The following FLT4 variants were observed in gnomAD, a reference collection of about 807,000 sequenced individuals.
FLT4 encodes fms related receptor tyrosine kinase 4.
A neutral mutation model predicts 163.2 loss-of-function variants in FLT4; 30 were observed. The ratio of observed to expected loss-of-function variants is 0.18; its 90% CI spans 0.14 to 0.25. The LOEUF is 0.25. Ranked by LOEUF, FLT4 falls within the 10% of genes least tolerant of loss-of-function variation. The pLI is 1.00. For synonymous variants in FLT4, 884 were observed against 789.5 expected (o/e 1.12, Z -2.01); for missense variants, 1,510 against 1,863.8 (o/e 0.81, Z 3.50).
Position 180,636,558 on chromosome 5 carries a change from C to G in FLT4, c.59-4780G>C, listed in dbSNP as rs114193487. On this transcript the variant is annotated intron_variant, in intron 1 of 29. Coordinates refer to ENST00000261937, the MANE Select transcript of FLT4 (RefSeq NM_182925.5). The surrounding 1 kb of genome is among the most constrained non-coding windows in gnomAD (Gnocchi z 4.3). ...GTAGCTCCTGGCTCACCATCCCCCC[C>G]ACCCCAGCTCCTGCCCTTCTCCATG... Among the ~76,000 whole-genome samples the G allele has an allele frequency of 7.3e-5, 11 of 150,372 alleles. No homozygotes were observed. The highest frequency in any genetic ancestry group is 4.3e-4 in the South Asian group (2 of 4,694).
At chr5:180,629,235 G>A (rs537957702) in intron 7 of FLT4, 24 bp downstream of exon 7, 2 of 1,612,314 alleles carry the variant, frequency 1.2e-6, no homozygotes, top group East Asian at 2.2e-5. Context: ...CAGGGCACAA[G>A]GACCCTGGTT....
rs1445994027 is a variant in FLT4 at position 180,607,482 on chromosome 5, T to G, written c.3893+1486A>C. 3.3e-5 allele frequency among the ~76,000 whole-genome samples: 5 copies of G among 150,832 alleles called. 1 individual carries two copies. In the East Asian group the frequency reaches 9.9e-4, roughly 30 times the overall value. On this transcript the variant is annotated intron_variant, in intron 29 of 29. Coordinates refer to ENST00000261937, the MANE Select transcript of FLT4 (RefSeq NM_182925.5). ...GAAACCCGGTCTCTACTAAAAAAAA[T>G]ACAAAACAATTAGCCGGGCGTGGTG... is the stretch of plus-strand genomic sequence containing the variant.
chr5:180,637,721 G>A (rs1764795053), intron 1 of FLT4, among the ~76,000 whole-genome samples: 1 of 152,124 alleles, frequency 6.6e-6, no homozygotes. Flanking sequence ...TAGTAGACGG[G>A]GCTTCTCCAT....
Position 180,618,845 on chromosome 5 carries a change from T to G in FLT4, c.2926A>C (p.Ser976Arg), listed in dbSNP as rs775204491. 34 of 1,580,024 alleles carry G rather than the reference T, an allele frequency of 2.2e-5. No homozygotes were observed. ...LARLDRRRPG[S>R]SDRVLFARFS... is the part of the protein sequence containing the mutation. The stretch of plus-strand genomic sequence containing the variant: ...CGCGCGAAGAGGACCCTGTCGCTGC[T>G]CCCCGGCCGCCTCCGATCCAGCCTG... Residue 976 changes from serine (S) to arginine (R), a missense_variant, in exon 21 of 30, where the codon AGC becomes CGC. Physicochemically the swap from Ser to Arg is moderately radical, Grantham distance 110 (BLOSUM62 -1). Transcript: ENST00000261937.
chr5:180,645,756 GTC>G (rs72166618), intron 1 of FLT4, among the ~76,000 whole-genome samples: 46 of 152,300 alleles, frequency 3.0e-4, no homozygotes, highest in African/African-American at 1.1e-3. Flanking sequence ...TCCCAGACCT[GTC>G]TCCTCAGTGT....
chr5:180,648,009 G>A lies in FLT4; in HGVS notation c.58+1479C>T, dbSNP rs1211210512. On this transcript the variant is annotated intron_variant, in intron 1 of 29. Coordinates refer to ENST00000261937, the MANE Select transcript of FLT4 (RefSeq NM_182925.5). ...GCCCCTCCTCCAGGGTTCCCCTCCC[G>A]GGTCTCTCTCTTCCTCTCCAGCTAC... 1.1e-4 allele frequency among the ~76,000 whole-genome samples: 17 copies of A among 152,230 alleles called. 1 individual carries two copies. Among genetic ancestry groups the A allele is most frequent in the East Asian group, 1.9e-4 (1 of 5,172 alleles).
chr5:180,619,991 T>G (rs527660349), intron 17 of FLT4, among the ~76,000 whole-genome samples, 182 bp downstream of exon 17: 2 of 152,244 alleles, frequency 1.3e-5, no homozygotes, highest in Admixed American at 1.3e-4. Context: ...GCAGGTGACC[T>G]CAGGGAGCCT....
intron 8 of FLT4, among the ~76,000 whole-genome samples, chr5:180,627,836 G>C (rs1446347334): frequency 2.0e-5 from 3 of 152,214 alleles, no homozygotes; most frequent in Admixed American, 6.5e-5. Flanking sequence ...GAGGCTCCAG[G>C]ATCTGCCAGT....
At position 180,647,810 on chromosome 5, in the gene FLT4, C is replaced by T. The variant is rs186244877; in HGVS notation, c.58+1678G>A. Among the ~76,000 whole-genome samples, 732 of 152,276 alleles carry T rather than the reference C, an allele frequency of 4.8e-3. 5 individuals carry two copies. The highest frequency in any genetic ancestry group is 0.017 in the African/African-American group (694 of 41,548). On this transcript the variant is annotated intron_variant, in intron 1 of 29. Transcript: ENST00000261937. The stretch of plus-strand genomic sequence containing the variant: ...GGGCGCCCAACTAATGCCCTCTCTC[C>T]TCTTCATAACTGGGTCACTAAGAGT...
At chr5:180,603,513 TC>T in intron 29 of FLT4, 123 bp from the exon 30 acceptor site, 1 of 869,328 alleles carries the variant, frequency 1.2e-6, no homozygotes, top group Non-Finnish European at 1.9e-6. Flanking sequence ...GGAGTTAGAG[TC>T]CAGCCCAGGC....
intron 1 of FLT4, among the ~76,000 whole-genome samples, chr5:180,640,378 G>A (rs1202710818): frequency 2.0e-5 from 3 of 152,220 alleles, no homozygotes; most frequent in Non-Finnish European, 2.9e-5. Context: ...CCTGCCCCAG[G>A]ACCAGGCTCC....
intron 1 of FLT4, among the ~76,000 whole-genome samples, chr5:180,632,171 G>A (rs1335889668): frequency 5.9e-5 from 9 of 151,978 alleles, no homozygotes; most frequent in Admixed American, 5.9e-4. Flanking sequence ...CCTCCCTCCT[G>A]AACTGCAGCC....
chr5:180,630,522 C>T lies in FLT4; in HGVS notation c.400+33G>A, dbSNP rs1246946581. Reference sequence around the variant, plus strand: ...GGTGTGGGCCCCAGCTGCCCGGGACCCTGCTCCAGCCTGGCCCGCCTCCAA... The same window carrying T: ...GGTGTGGGCCCCAGCTGCCCGGGACTCTGCTCCAGCCTGGCCCGCCTCCAA... On this transcript the variant is annotated intron_variant, in intron 3 of 29. Coordinates refer to ENST00000261937, the MANE Select transcript of FLT4 (RefSeq NM_182925.5). This position sits in a 1 kb window ranked among gnomAD's most constrained non-coding sequence, Gnocchi z 6.3. 4 of 1,611,648 alleles carry T rather than the reference C, an allele frequency of 2.5e-6. No individual in the cohort carries two copies. Among genetic ancestry groups the T allele is most frequent in the African/African-American group, 2.7e-5 (2 of 74,992 alleles).
chr5:180,619,316 G>A lies in FLT4; in HGVS notation c.2698C>T (p.Leu900Phe). Reference sequence around the variant, plus strand: ...TTGAGGTGGTTGCCGATGTGAATGAGGATCTTGAGCTCCGACATCAGCGCG... The same window carrying A: ...TTGAGGTGGTTGCCGATGTGAATGAAGATCTTGAGCTCCGACATCAGCGCG... ...HRALMSELKI[L>F]IHIGNHLNVV... The change falls in exon 19 of 30, where the codon CTC becomes TTC. Residue 900 changes from leucine to phenylalanine, a missense_variant. Physicochemically the swap from Leu to Phe is conservative, Grantham distance 22. Around this residue, in one of 5 missense-constraint regions of FLT4, gnomAD observed 878 missense variants for 1,016.7 expected, o/e 0.86. Coordinates refer to ENST00000261937, the MANE Select transcript of FLT4 (RefSeq NM_182925.5). 6.2e-7 allele frequency: 1 copy of A among 1,611,478 alleles called. No individual in the cohort carries two copies. Among genetic ancestry groups the A allele is most frequent in the Non-Finnish European group, 8.5e-7 (1 of 1,179,536 alleles).
In FLT4 at chr5:180,622,806, C is replaced by T. The variant is rs557205062; in HGVS notation, c.1582G>A (p.Val528Met). 6.2e-6 allele frequency: 10 copies of T among 1,613,552 alleles called. No individual in the cohort carries two copies. Among genetic ancestry groups the T allele is most frequent in the East Asian group, 4.5e-5 (2 of 44,870 alleles). The change falls in exon 12 of 30, where the codon GTG (valine) becomes ATG (methionine). Residue 528 changes from valine (V) to methionine (M), a missense_variant. Around this residue, in one of 5 missense-constraint regions of FLT4, gnomAD observed 878 missense variants for 1,016.7 expected, o/e 0.86. Coordinates refer to ENST00000261937, the MANE Select transcript of FLT4 (RefSeq NM_182925.5). ...ACCACACACTTGTACATGGCAGACA[C>T]GTTGGCATTCTGGATCACCAGCTTG... ...VSKLVIQNANVSAMYKCVVSN... is the reference protein window; with the variant it reads ...VSKLVIQNANMSAMYKCVVSN...
intron 13 of FLT4, 96 bp downstream of exon 13, chr5:180,621,446 A>G: frequency 6.5e-7 from 1 of 1,541,408 alleles, no homozygotes; most frequent in South Asian, 1.2e-5. Flanking sequence ...CAGGGCTGTG[A>G]ATAGACCTCC....
chr5:180,603,412 TGTTA>T, intron 29 of FLT4, 22 bp from the exon 30 acceptor site: 1 of 1,611,224 alleles, frequency 6.2e-7, no homozygotes, highest in Non-Finnish European at 8.5e-7. Flanking sequence ...GGGAAGGTGG[TGTTA>T]GTAAGAGAAG....
chr5:180,649,219 CG>C, intron 1 of FLT4, among the ~76,000 whole-genome samples: 1 of 151,958 alleles, frequency 6.6e-6, no homozygotes, highest in South Asian at 2.1e-4. Context: ...CCGACGGAGA[CG>C]CGGATTCAGG....
In FLT4 at chr5:180,625,980, C is replaced by A. The variant is rs866937901; in HGVS notation, c.1310G>T (p.Arg437Leu). The change falls in exon 10 of 30, where the codon CGT becomes CTT. Residue 437 changes from arginine (R) to leucine (L), a missense_variant. By Grantham distance (102) the Arg-to-Leu change is moderately radical. Coordinates refer to ENST00000261937, the MANE Select transcript of FLT4 (RefSeq NM_182925.5). The part of the protein sequence containing the change: ...KEASSPSIYS[R>L]HSRQALTCTA... Reference sequence around the variant, plus strand: ...GCAGGTGAGGGCCTGGCGGCTGTGACGCGAGTAGATGCTGGGGGAGGAGGC... The same window carrying A: ...GCAGGTGAGGGCCTGGCGGCTGTGAAGCGAGTAGATGCTGGGGGAGGAGGC... The A allele has an allele frequency of 6.2e-7, 1 of 1,612,714 alleles. No individual in the cohort carries two copies. Among genetic ancestry groups the A allele is most frequent in the Non-Finnish European group, 8.5e-7 (1 of 1,179,948 alleles).
Sources: allele counts gnomAD v4.1 joint callset (sites outside exome capture counted in the v4.1 genomes callset), GRCh38; gene constraint gnomAD v4.1.1; regional missense constraint gnomAD v4.1.1; non-coding constraint Gnocchi (gnomAD v3.1); transcripts MANE v1.5; gene names NCBI Gene and HGNC (gene_info 2026-07-23, HGNC 2026-07-21).